The following IL1RAPL1 variants were observed in gnomAD, a reference collection of about 807,000 sequenced individuals.
The protein encoded by IL1RAPL1 is interleukin 1 receptor accessory protein like 1.
In IL1RAPL1, 3 loss-of-function variants were observed where a neutral mutation model predicts 48.4. The ratio of observed to expected loss-of-function variants is 0.06; its 90% CI spans 0.03 to 0.16. The LOEUF (loss-of-function observed/expected upper bound fraction) is 0.16. Among genes scored for constraint, IL1RAPL1 ranks in the 10% least tolerant of loss-of-function variants. The pLI is 1.00. For synonymous variants in IL1RAPL1, 185 were observed against 187.7 expected (o/e 0.99, Z 0.12); for missense variants, 349 against 530.6 (o/e 0.66, Z 3.36).
intron 3 of IL1RAPL1, among the ~76,000 whole-genome samples, chrX:29,395,090 A>C (rs1168801144): frequency 1.8e-5 from 2 of 111,805 alleles, no homozygotes; most frequent in Non-Finnish European, 3.8e-5. Flanking sequence ...CAGCAGTATC[A>C]CGGAGCACCT....
chrX:28,985,731 C>A (rs923255697), intron 2 of IL1RAPL1, among the ~76,000 whole-genome samples: 6 of 103,308 alleles, frequency 5.8e-5, no homozygotes, highest in Non-Finnish European at 9.7e-5. Context: ...GCGATCTCGG[C>A]TCACTACAAG....
At chrX:28,865,455 T>G (rs1019935832) in intron 2 of IL1RAPL1, among the ~76,000 whole-genome samples, 10 of 93,893 alleles carry the variant, frequency 1.1e-4, no homozygotes, top group African/African-American at 3.2e-4. Context: ...AAAAAAAAAA[T>G]TAAGAGTTCA....
At chrX:28,979,900 G>A in intron 2 of IL1RAPL1, among the ~76,000 whole-genome samples, 1 of 112,228 alleles carries the variant, frequency 8.9e-6, no homozygotes, top group Non-Finnish European at 1.9e-5. Flanking sequence ...AATTGTAAAT[G>A]ATCCCCAGTG....
chrX:28,724,949 G>GT (rs749264109), intron 1 of IL1RAPL1, among the ~76,000 whole-genome samples: 1,267 of 81,687 alleles, frequency 0.016, 6 homozygotes, highest in South Asian at 0.022. Flanking sequence ...AACTCAATTT[G>GT]TTTTTTTTTT....
chrX:28,874,252 A>G (rs1250570337), intron 2 of IL1RAPL1, among the ~76,000 whole-genome samples: 1 of 112,271 alleles, frequency 8.9e-6, no homozygotes, highest in Non-Finnish European at 1.9e-5. Flanking sequence ...TCTCAATGAA[A>G]TATGGAAAGT....
In IL1RAPL1 at chrX:29,606,213, C is replaced by T. The variant is rs16988705; in HGVS notation, c.704-62217C>T. On this transcript the variant is annotated intron_variant, in intron 5 of 10. Transcript: ENST00000378993. ...GCATAGAAATGTACCTGCCAAATTT[C>T]GAATTTCTTGTCAAATTTCATTCAT... is the stretch of plus-strand genomic sequence containing the variant. Among the ~76,000 whole-genome samples, 892 of 111,556 alleles carry T rather than the reference C, an allele frequency of 8.0e-3. 11 individuals carry two copies. The highest frequency in any genetic ancestry group is 0.028 in the African/African-American group (850 of 30,727).
chrX:29,560,325 C>T (rs1254007993), intron 5 of IL1RAPL1, among the ~76,000 whole-genome samples: 1 of 111,759 alleles, frequency 8.9e-6, no homozygotes, highest in East Asian at 2.8e-4. Context: ...AATTCTTTGA[C>T]TTTTGATAAT....
At chrX:28,704,378 C>T (rs1935339060) in intron 1 of IL1RAPL1, among the ~76,000 whole-genome samples, 1 of 107,029 alleles carries the variant, frequency 9.3e-6, no homozygotes, top group Non-Finnish European at 1.9e-5. Context: ...ATTACTTCCA[C>T]ATCTGCATAT....
intron 2 of IL1RAPL1, among the ~76,000 whole-genome samples, chrX:28,935,098 T>G (rs2147345631): frequency 8.9e-6 from 1 of 112,069 alleles, no homozygotes; most frequent in African/African-American, 3.2e-5. Flanking sequence ...TTCTTGATAG[T>G]GTCCTTTGAA....
intron 8 of IL1RAPL1, among the ~76,000 whole-genome samples, chrX:29,922,058 T>C (rs1210912979): frequency 9.1e-6 from 1 of 110,334 alleles, no homozygotes; most frequent in Non-Finnish European, 1.9e-5. Flanking sequence ...ACAACATATT[T>C]TGGGGGGGGA....
chrX:29,179,187 A>G (rs1051114203), intron 2 of IL1RAPL1, among the ~76,000 whole-genome samples: 1 of 111,104 alleles, frequency 9.0e-6, no homozygotes, highest in African/African-American at 3.3e-5. Flanking sequence ...TACCTTGGGC[A>G]GTATGGCCAT....
At chrX:29,918,144 A>AAAAAAAAATATATATAT (rs1555935868) in intron 7 of IL1RAPL1, among the ~76,000 whole-genome samples, 19 of 23,745 alleles carry the variant, frequency 8.0e-4, no homozygotes, top group Non-Finnish European at 1.1e-3. Flanking sequence ...AAAAAAAAAA[A>AAAAAAAAATATATATAT]ATATATATAT....
chrX:29,711,393 G>A (rs1382408296), intron 6 of IL1RAPL1, among the ~76,000 whole-genome samples: 1 of 109,273 alleles, frequency 9.2e-6, no homozygotes, highest in Non-Finnish European at 1.9e-5. Context: ...ATGTTGGTCA[G>A]GCTGGTCTTG....
intron 3 of IL1RAPL1, among the ~76,000 whole-genome samples, chrX:29,359,954 G>A (rs997430091): frequency 9.0e-6 from 1 of 110,684 alleles, no homozygotes; most frequent in Non-Finnish European, 1.9e-5. Context: ...GATCCCTCAA[G>A]TACCAGAGCC....
At chrX:29,718,443 C>T (rs184734951) in intron 6 of IL1RAPL1, among the ~76,000 whole-genome samples, 3,356 of 88,597 alleles carry the variant, frequency 0.038, 162 homozygotes, top group African/African-American at 0.13. Flanking sequence ...CATCACACAC[C>T]GGGGCCTGTT....
chrX:29,929,388 G>A (rs971239297), intron 8 of IL1RAPL1, among the ~76,000 whole-genome samples: 2 of 111,497 alleles, frequency 1.8e-5, no homozygotes, highest in African/African-American at 3.3e-5. Context: ...GCCCCTAGCC[G>A]CACTGTGGGA....
intron 5 of IL1RAPL1, among the ~76,000 whole-genome samples, chrX:29,536,619 C>T (rs1311809769): frequency 9.0e-6 from 1 of 110,964 alleles, no homozygotes; most frequent in East Asian, 2.8e-4. Flanking sequence ...GATCTAGTGT[C>T]AGAAACTTTT....
At chrX:29,242,921 C>T (rs755838196) in intron 2 of IL1RAPL1, among the ~76,000 whole-genome samples, 24 of 112,150 alleles carry the variant, frequency 2.1e-4, no homozygotes, top group Non-Finnish European at 4.3e-4. Context: ...CATTTTATTT[C>T]AACTACTCTG....
chrX:29,951,573 C>A (rs545551610), intron 9 of IL1RAPL1, among the ~76,000 whole-genome samples: 2 of 111,449 alleles, frequency 1.8e-5, no homozygotes, highest in African/African-American at 6.5e-5. Context: ...AGGGCCTAAC[C>A]TAGAATGGAA....
Sources: gnomAD v4.1 joint callset for allele counts (sites outside exome capture counted in the v4.1 genomes callset) on GRCh38, gnomAD v4.1.1 for gene constraint, MANE v1.5 for transcripts, NCBI Gene and HGNC (gene_info 2026-07-23, HGNC 2026-07-21) for gene names.